The following OGFR variants were observed in gnomAD, a reference collection of about 807,000 sequenced individuals.
OGFR encodes the protein protein 7-60.
In OGFR, 18 loss-of-function variants were observed where a neutral mutation model predicts 33.6. That is an observed-to-expected ratio of 0.54 (90% CI 0.37 to 0.80). The LOEUF is 0.80. Ranked by LOEUF, OGFR falls within the 30% of genes least tolerant of loss-of-function variation. OGFR has a pLI of 0.00. For missense variants in OGFR, 877 were observed against 955.8 expected, an observed-to-expected ratio of 0.92 and a Z score of 1.09; for synonymous variants, 370 against 400.7, an observed-to-expected ratio of 0.92 and a Z score of 0.91.
chr20:62,806,862 T>G (rs1416040282), intron 1 of OGFR: 1 of 153,980 alleles, frequency 6.5e-6, no homozygotes, highest in Non-Finnish European at 1.4e-5. Flanking sequence ...ATGCTTGGCC[T>G]GCAGAGATGG....
chr20:62,810,709 C>T, intron 5 of OGFR, 144 bp downstream of exon 5: 2 of 669,248 alleles, frequency 3.0e-6, no homozygotes, highest in Non-Finnish European at 5.2e-6. Context: ...CCGAAAGAGC[C>T]TCCAGTATGA....
intron 3 of OGFR, 130 bp from the exon 4 acceptor site, chr20:62,809,455 G>A: frequency 1.4e-6 from 1 of 703,994 alleles, no homozygotes. Context: ...AGCCTCAGGA[G>A]ATGAGGGCGA....
chr20:62,813,872 C>T lies in OGFR; in HGVS notation c.*223C>T, dbSNP rs954016386. The T allele has an allele frequency of 3.3e-6, 2 of 603,032 alleles. No homozygotes were observed. The highest frequency in any genetic ancestry group is 2.9e-6 in the Non-Finnish European group (1 of 341,512). The allele number at this position is 603,032 out of a possible 1,614,324, so 37.4% of individuals were successfully genotyped here. On this transcript the variant is annotated 3_prime_UTR_variant, in exon 7 of 7. Transcript: ENST00000290291. ...CCTCCTGGCCTGGCTGTGTCTTCCC[C>T]ACCCAGCTCTCCCCTGCGCCCCTGT...
chr20:62,805,156 G>GCCC (rs1173467072), intron 1 of OGFR, 126 bp downstream of exon 1: 1 of 691,660 alleles, frequency 1.4e-6, no homozygotes, highest in South Asian at 5.6e-5. Flanking sequence ...CAGCCCCGGG[G>GCCC]ACCCCCCCCC....
chr20:62,809,697 G>A, intron 4 of OGFR, 34 bp downstream of exon 4: 1 of 1,475,564 alleles, frequency 6.8e-7, no homozygotes. Context: ...TGGGGGGTTG[G>A]CGAGGCCACA....
Position 62,812,266 on chromosome 20 carries a change from C to A in OGFR, c.651C>A (p.Leu217=). The change falls in exon 7 of 7, where the codon CTC becomes CTA. Residue 217 remains leucine (L), a synonymous_variant. Coordinates refer to ENST00000290291, the MANE Select transcript of OGFR (RefSeq NM_007346.4). Reference sequence around the variant, plus strand: ...ACAACCTCCGCATCACACGCATCCTCAAGTCGCTGGGTGAGCTGGGCCTCG... The same window carrying A: ...ACAACCTCCGCATCACACGCATCCTAAAGTCGCTGGGTGAGCTGGGCCTCG... ...SHNNLRITRI[L]KSLGELGLEH... 1 of 1,532,174 alleles carries A rather than the reference C, an allele frequency of 6.5e-7. No homozygotes were observed. The highest frequency in any genetic ancestry group is 8.8e-7 in the Non-Finnish European group (1 of 1,138,334). The allele number at this position is 1,532,174 out of a possible 1,614,324, so 94.9% of individuals were successfully genotyped here. A position where few individuals can be genotyped will look rare whatever the true frequency, so the allele number is the denominator to read the frequency against.
chr20:62,807,357 G>A (rs1364149824), intron 1 of OGFR, 180 bp from the exon 2 acceptor site: 3 of 626,172 alleles, frequency 4.8e-6, no homozygotes, highest in Non-Finnish European at 5.7e-6. Flanking sequence ...GCCCAAATCT[G>A]CCCCACTGGG....
chr20:62,805,364 C>G (rs972836808), intron 1 of OGFR: 1 of 162,308 alleles, frequency 6.2e-6, no homozygotes, highest in Non-Finnish European at 1.3e-5. Context: ...GCCTCGGCCT[C>G]CTGGCGGCCC....
rs527584362 is a variant in OGFR, at chr20:62,813,750, C to G, written c.*101C>G. The G allele has an allele frequency of 2.9e-6, 4 of 1,401,096 alleles. No homozygotes were observed. Among genetic ancestry groups the G allele is most frequent in the African/African-American group, 1.4e-5 (1 of 70,462 alleles). 86.8% of individuals were successfully genotyped at this position (1,401,096 alleles called of 1,614,324 possible). On this transcript the variant is annotated 3_prime_UTR_variant, in exon 7 of 7. Transcript: ENST00000290291. The stretch of plus-strand genomic sequence containing the variant: ...CTCCCCTCAGGCTCTGCTTCGTGAC[C>G]CGTGACCCATGACCCACAGTGCTGG...
At chr20:62,806,213 G>A (rs891973172) in intron 1 of OGFR, 4 of 152,460 alleles carry the variant, frequency 2.6e-5, no homozygotes, top group Non-Finnish European at 4.4e-5. Context: ...ATGATCAGGC[G>A]GGGCGAGAGA....
At chr20:62,810,595 G>A (rs770614899) in intron 5 of OGFR, 30 bp downstream of exon 5, 5 of 1,607,370 alleles carry the variant, frequency 3.1e-6, no homozygotes, top group Admixed American at 1.7e-5. Context: ...TGACTGGAGG[G>A]GAAGATGGGG....
In OGFR at chr20:62,813,893, CCT is replaced by C. The variant is rs1250770443; in HGVS notation, c.*245_*246del. The C allele has an allele frequency of 2.0e-5, 12 of 588,132 alleles. No homozygotes were observed. The highest frequency in any genetic ancestry group is 1.4e-4 in the East Asian group (5 of 35,216). The allele number at this position is 588,132 out of a possible 1,614,324, so 36.4% of individuals were successfully genotyped here. On this transcript the variant is annotated 3_prime_UTR_variant, in exon 7 of 7. Coordinates refer to ENST00000290291, the MANE Select transcript of OGFR (RefSeq NM_007346.4). ...TCCCCACCCAGCTCTCCCCTGCGCC[CCT>C]GTCTTTGTAAATTGACCCTTCTGGA...
rs760257651 is a variant in OGFR, at chr20:62,812,630, G to C, written c.1015G>C (p.Gly339Arg). The change falls in exon 7 of 7, where the codon GGC (glycine) becomes CGC (arginine). Residue 339 changes from glycine (G) to arginine (R), a missense_variant. By Grantham distance (125) the Gly-to-Arg change is moderately radical. This residue lies in a region of OGFR where 760 missense variants were observed against 736.0 expected (regional missense o/e 1.03). Coordinates refer to ENST00000290291, the MANE Select transcript of OGFR (RefSeq NM_007346.4). ...TGGGCCAGAGCATAGCAAGGGTGGGGGCAGGGTGGACGAGGGGCCCCAGCC... is the reference window on the plus strand; with the variant it reads ...TGGGCCAGAGCATAGCAAGGGTGGGCGCAGGGTGGACGAGGGGCCCCAGCC... ...TCGPEHSKGG[G>R]RVDEGPQPRS... 7 of 1,561,422 alleles carry C rather than the reference G, an allele frequency of 4.5e-6. No individual in the cohort carries two copies. The South Asian group carries it at 8.2e-5, about 18-fold the overall frequency.
rs368399818 is a variant in OGFR, at chr20:62,812,451, G to A, written c.836G>A (p.Arg279Gln). The change falls in exon 7 of 7, where the codon CGG (arginine) becomes CAG (glutamine). Residue 279 changes from arginine (R) to glutamine (Q), a missense_variant. By Grantham distance (43) the Arg-to-Gln change is conservative (BLOSUM62 1). Transcript: ENST00000290291. ...GTGCACTTCGCCTGGGAGCACTTCC[G>A]GCCCCGCTGCAAGTTCGTCTGGGGG... Reference protein sequence around the residue: ...QLVHFAWEHFRPRCKFVWGPQ... With the variant: ...QLVHFAWEHFQPRCKFVWGPQ... 7.6e-6 allele frequency: 12 copies of A among 1,579,430 alleles called. No individual in the cohort carries two copies. Among genetic ancestry groups the A allele is most frequent in the African/African-American group, 5.4e-5 (4 of 74,128 alleles).
intron 5 of OGFR, 141 bp from the exon 6 acceptor site, chr20:62,811,321 G>C: frequency 1.1e-6 from 1 of 949,890 alleles, no homozygotes; most frequent in Non-Finnish European, 1.6e-6. Flanking sequence ...AACAGAGCAA[G>C]ACTCTGTCTC....
chr20:62,807,664 C>G, intron 2 of OGFR, 59 bp downstream of exon 2: 1 of 1,529,112 alleles, frequency 6.5e-7, no homozygotes. Context: ...TCTTCTCAGG[C>G]AGAATGTCCC....
intron 1 of OGFR, among the ~76,000 whole-genome samples, chr20:62,805,273 C>A (rs548257947): frequency 1.3e-5 from 2 of 151,806 alleles, no homozygotes; most frequent in East Asian, 3.9e-4. Context: ...GGGCGCCGTT[C>A]CCCCCGGGGG....
At position 62,812,729 on chromosome 20, in the gene OGFR, G is replaced by T. The variant is rs1407874367; in HGVS notation, c.1114G>T (p.Asp372Tyr). 1.9e-6 allele frequency: 3 copies of T among 1,600,204 alleles called. No homozygotes were observed. Among genetic ancestry groups the T allele is most frequent in the Non-Finnish European group, 2.6e-6 (3 of 1,173,994 alleles). The change falls in exon 7 of 7, where the codon GAT (aspartate) becomes TAT (tyrosine). Residue 372 changes from aspartate (D) to tyrosine (Y), a missense_variant. Coordinates refer to ENST00000290291, the MANE Select transcript of OGFR (RefSeq NM_007346.4). ...QGDEAGGHGE[D>Y]RPEPLSPKES... ...GGATGAGGCAGGGGGCCACGGGGAA[G>T]ATAGGCCGGAGCCCTTAAGCCCCAA...
intron 1 of OGFR, chr20:62,806,929 T>A (rs1990606896): frequency 6.4e-6 from 1 of 156,224 alleles, no homozygotes; most frequent in African/African-American, 2.4e-5. Context: ...AAGCCATCAC[T>A]AGACAGGGCT....
Sources: gnomAD v4.1 joint callset for allele counts (sites outside exome capture counted in the v4.1 genomes callset) on GRCh38, gnomAD v4.1.1 for gene constraint, gnomAD v4.1.1 regional missense constraint, MANE v1.5 for transcripts, NCBI Gene and HGNC (gene_info 2026-07-23, HGNC 2026-07-21) for gene names.